ARHGAP10: variants seen among roughly 807,000 people sequenced by gnomAD.
The protein encoded by ARHGAP10 is Rho GTPase activating protein 10.
Under a neutral mutation model 108.6 loss-of-function variants are expected in ARHGAP10, and 87 were observed. The ratio of observed to expected loss-of-function variants is 0.80; its 90% CI spans 0.67 to 0.96. The LOEUF is 0.96. ARHGAP10 is among the 40% of genes least tolerant of loss of function. ARHGAP10 has a pLI of 0.00. For missense variants in ARHGAP10, 939 were observed against 954.5 expected, an observed-to-expected ratio of 0.98 and a Z score of 0.21; for synonymous variants, 347 against 341.1, an observed-to-expected ratio of 1.02 and a Z score of -0.19.
intron 18 of ARHGAP10, among the ~76,000 whole-genome samples, chr4:147,997,914 T>C (rs1046045897): frequency 3.3e-5 from 5 of 152,188 alleles, no homozygotes; most frequent in Non-Finnish European, 7.3e-5. Flanking sequence ...AAAACTTTCA[T>C]GTTTCATGGA....
intron 14 of ARHGAP10, 29 bp from the exon 15 acceptor site, chr4:147,946,588 T>C (rs768262272): frequency 1.6e-5 from 26 of 1,597,194 alleles, no homozygotes; most frequent in Non-Finnish European, 2.1e-5. Context: ...AGGTTTTAAT[T>C]ATTTTTTTCT....
chr4:147,837,650 T>TTTTTTG lies in ARHGAP10; in HGVS notation c.313-9496_313-9495insGTTTTT, dbSNP rs1553955211. On this transcript the variant is annotated intron_variant, in intron 3 of 22. Coordinates refer to ENST00000336498, the MANE Select transcript of ARHGAP10 (RefSeq NM_024605.4). ...CTAGAATCTCTGGTCACTGTTTTTT[T>TTTTTTG]TTTTTTTTTTTTAAAGCAGTAGCTT... Among the ~76,000 whole-genome samples the TTTTTTG allele has an allele frequency of 3.4e-4, 38 of 112,084 alleles. 2 individuals carry two copies. Among genetic ancestry groups the TTTTTTG allele is most frequent in the East Asian group, 6.2e-4 (2 of 3,238 alleles). The allele number at this position is 112,084 out of a possible 152,430, so 73.5% of individuals were successfully genotyped here.
At chr4:147,866,672 G>C (rs1177603087) in intron 6 of ARHGAP10, 40 bp from the exon 7 acceptor site, 2 of 1,476,816 alleles carry the variant, frequency 1.4e-6, no homozygotes, top group Non-Finnish European at 1.9e-6. Flanking sequence ...TTTCTCCTGA[G>C]TTTTTTTGTG....
intron 10 of ARHGAP10, among the ~76,000 whole-genome samples, chr4:147,896,850 G>A (rs576952978): frequency 5.1e-4 from 77 of 152,172 alleles, no homozygotes; most frequent in African/African-American, 1.7e-3. Context: ...GATCGAAAAC[G>A]TGATATTTAG....
chr4:148,042,428 T>G (rs1180604436), intron 19 of ARHGAP10, among the ~76,000 whole-genome samples: 1 of 152,238 alleles, frequency 6.6e-6, no homozygotes, highest in African/African-American at 2.4e-5. Context: ...CATTTGACCC[T>G]GTTCTCCAAC....
At chr4:147,797,841 C>T (rs1731380744) in intron 1 of ARHGAP10, among the ~76,000 whole-genome samples, 1 of 152,182 alleles carries the variant, frequency 6.6e-6, no homozygotes, top group African/African-American at 2.4e-5. Context: ...CTGCTATGTT[C>T]CCTGAGGGTC....
chr4:147,936,304 C>CTCCTT, intron 13 of ARHGAP10, among the ~76,000 whole-genome samples: 1 of 148,534 alleles, frequency 6.7e-6, no homozygotes, highest in Non-Finnish European at 1.5e-5. Flanking sequence ...GCTGTGCGGC[C>CTCCTT]TCCTTTTCCT....
At chr4:147,795,727 C>G (rs1017162789) in intron 1 of ARHGAP10, among the ~76,000 whole-genome samples, 2 of 150,308 alleles carry the variant, frequency 1.3e-5, no homozygotes, top group African/African-American at 4.9e-5. Flanking sequence ...GACAGTCTCA[C>G]TCTGTTGCCC....
chr4:147,915,506 G>A (rs1158050682), intron 13 of ARHGAP10, among the ~76,000 whole-genome samples: 2 of 152,152 alleles, frequency 1.3e-5, no homozygotes, highest in East Asian at 3.8e-4. Flanking sequence ...AATAGATGCA[G>A]ATCTATCTAG....
At chr4:147,871,627 T>G (rs1734827000) in intron 7 of ARHGAP10, among the ~76,000 whole-genome samples, 1 of 152,182 alleles carries the variant, frequency 6.6e-6, no homozygotes, top group South Asian at 2.1e-4. Context: ...ATTGTGAGGA[T>G]TAAAGAACCA....
chr4:147,915,188 C>T (rs952427659), intron 13 of ARHGAP10, among the ~76,000 whole-genome samples: 15 of 152,220 alleles, frequency 9.9e-5, no homozygotes, highest in African/African-American at 2.9e-4. Flanking sequence ...TGGGGATTTG[C>T]CCATCAATAA....
intron 1 of ARHGAP10, among the ~76,000 whole-genome samples, chr4:147,795,762 T>G (rs1465995347): frequency 4.6e-5 from 7 of 151,870 alleles, no homozygotes; most frequent in Admixed American, 4.6e-4. Flanking sequence ...TGGCGTGATC[T>G]TGGCTCACTG....
chr4:148,069,433 C>G (rs1730055207), intron 22 of ARHGAP10, among the ~76,000 whole-genome samples: 1 of 152,148 alleles, frequency 6.6e-6, no homozygotes, highest in Non-Finnish European at 1.5e-5. Context: ...GTGGAGGCGT[C>G]TCTCTGGTTT....
chr4:147,989,949 G>T (rs147804312), intron 18 of ARHGAP10, among the ~76,000 whole-genome samples: 246 of 152,292 alleles, frequency 1.6e-3, no homozygotes, highest in African/African-American at 5.4e-3. Flanking sequence ...AATTACAAAA[G>T]TATTAATTTG....
intron 18 of ARHGAP10, among the ~76,000 whole-genome samples, chr4:147,993,007 C>T (rs1231233415): frequency 6.6e-6 from 1 of 152,224 alleles, no homozygotes; most frequent in Non-Finnish European, 1.5e-5. Flanking sequence ...GTCATTACTA[C>T]TTCTTATGCA....
intron 1 of ARHGAP10, among the ~76,000 whole-genome samples, chr4:147,811,768 T>G (rs530517952): frequency 3.5e-4 from 54 of 152,330 alleles, no homozygotes; most frequent in African/African-American, 1.3e-3. Context: ...GCTAGCCACT[T>G]GCAGAGTGCA....
chr4:147,977,409 A>AT (rs947123167), intron 18 of ARHGAP10, among the ~76,000 whole-genome samples: 3 of 151,888 alleles, frequency 2.0e-5, no homozygotes, highest in Non-Finnish European at 4.4e-5. Flanking sequence ...CTCACTATGT[A>AT]TTTTTTCTTT....
chr4:148,003,650 C>T (rs1740825476), intron 18 of ARHGAP10, among the ~76,000 whole-genome samples: 1 of 152,150 alleles, frequency 6.6e-6, no homozygotes, highest in Admixed American at 6.5e-5. Context: ...TGAATTGATC[C>T]CTTTACCATT....
chr4:147,857,964 A>G (rs1371020368), intron 5 of ARHGAP10: 1 of 151,442 alleles, frequency 6.6e-6, no homozygotes, highest in Non-Finnish European at 1.4e-5. Context: ...GGAATAGATC[A>G]ATTAATTGGC....
Sources: gnomAD v4.1 joint callset for allele counts (sites outside exome capture counted in the v4.1 genomes callset) on GRCh38, gnomAD v4.1.1 for gene constraint, MANE v1.5 for transcripts, NCBI Gene and HGNC (gene_info 2026-07-23, HGNC 2026-07-21) for gene names.